The following SLIT3 variants were observed in gnomAD, a reference collection of about 807,000 sequenced individuals.
The protein encoded by SLIT3 is slit guidance ligand 3.
In SLIT3, 68 loss-of-function variants were observed where a neutral mutation model predicts 184.0. That is an observed-to-expected ratio of 0.37 (90% confidence interval 0.30 to 0.45). SLIT3 has a LOEUF of 0.45. Ranked by LOEUF, SLIT3 falls within the 20% of genes least tolerant of loss-of-function variation. The pLI is 1.00. For synonymous variants in SLIT3, 831 were observed against 828.6 expected (o/e 1.00, Z -0.05); for missense variants, 1,707 against 2,026.0 (o/e 0.84, Z 3.02).
intron 6 of SLIT3, among the ~76,000 whole-genome samples, chr5:168,823,627 T>A (rs1332371343): frequency 6.6e-6 from 1 of 152,224 alleles, no homozygotes; most frequent in Non-Finnish European, 1.5e-5. Context: ...AGTGCTTCAT[T>A]ATAACATCTC....
Position 168,726,817 on chromosome 5 carries a change from A to T in SLIT3, c.2271-2333T>A, listed in dbSNP as rs542024151. On this transcript the variant is annotated intron_variant, in intron 20 of 35. Coordinates refer to ENST00000519560, the MANE Select transcript of SLIT3 (RefSeq NM_003062.4). ...GTGAAACCCCCCTCCTAAAAATACA[A>T]ACAAAACAAAACAAAACAAAAATAA... 3.2e-4 allele frequency among the ~76,000 whole-genome samples: 48 copies of T among 151,566 alleles called. No homozygotes were observed. The South Asian group carries it at 9.8e-3, about 31-fold the overall frequency.
At chr5:169,085,750 T>A (rs1335987933) in intron 4 of SLIT3, among the ~76,000 whole-genome samples, 1 of 152,180 alleles carries the variant, frequency 6.6e-6, no homozygotes, top group Admixed American at 6.5e-5. Flanking sequence ...CTGTCATCGC[T>A]CTCATTTCTG....
At chr5:169,061,928 T>C (rs1758185351) in intron 4 of SLIT3, among the ~76,000 whole-genome samples, 1 of 152,154 alleles carries the variant, frequency 6.6e-6, no homozygotes, top group South Asian at 2.1e-4. Context: ...TCTATCCCAC[T>C]GCCTTGGGGA....
intron 4 of SLIT3, among the ~76,000 whole-genome samples, chr5:168,960,592 C>T (rs1353215439): frequency 1.3e-5 from 2 of 152,214 alleles, no homozygotes; most frequent in African/African-American, 4.8e-5. Context: ...TCATGTCATT[C>T]CATGACAGGA....
intron 4 of SLIT3, among the ~76,000 whole-genome samples, chr5:168,907,795 CATGT>C (rs1305173683): frequency 6.6e-6 from 1 of 151,116 alleles, no homozygotes; most frequent in Non-Finnish European, 1.5e-5. Context: ...TATACATACA[CATGT>C]ATGTGTGTAT....
chr5:168,674,815 C>T (rs903592799), intron 32 of SLIT3, among the ~76,000 whole-genome samples: 7 of 152,010 alleles, frequency 4.6e-5, no homozygotes, highest in Admixed American at 1.3e-4. Flanking sequence ...TCAGTGTGCA[C>T]ATCCTACTTG....
intron 6 of SLIT3, among the ~76,000 whole-genome samples, chr5:168,829,132 C>G (rs1757801617): frequency 6.6e-6 from 1 of 152,164 alleles, no homozygotes; most frequent in Non-Finnish European, 1.5e-5. Flanking sequence ...GAGACACGTC[C>G]AGCTGCAGCC....
At chr5:169,190,197 C>G (rs986962717) in intron 4 of SLIT3, among the ~76,000 whole-genome samples, 1 of 152,156 alleles carries the variant, frequency 6.6e-6, no homozygotes, top group Non-Finnish European at 1.5e-5. Flanking sequence ...CATATATGAC[C>G]AAGCTAAGTA....
intron 16 of SLIT3, among the ~76,000 whole-genome samples, chr5:168,758,386 A>ATCTTGTT (rs1755026230): frequency 6.6e-6 from 1 of 152,220 alleles, no homozygotes; most frequent in Non-Finnish European, 1.5e-5. Flanking sequence ...CAGAAGACAA[A>ATCTTGTT]TATGCGCTTG....
chr5:168,757,676 C>T (rs2879003), intron 16 of SLIT3, among the ~76,000 whole-genome samples: 17,793 of 152,188 alleles, frequency 0.12, 1,302 homozygotes, highest in South Asian at 0.2. Context: ...ACCTTGTGAT[C>T]CGCCTGGCTC....
intron 1 of SLIT3, among the ~76,000 whole-genome samples, chr5:169,277,848 C>T (rs190966457): frequency 1.3e-5 from 2 of 152,206 alleles, no homozygotes; most frequent in Non-Finnish European, 2.9e-5. Flanking sequence ...TTTTCCACAG[C>T]AGCTGCACCA....
intron 4 of SLIT3, among the ~76,000 whole-genome samples, chr5:169,067,929 T>C (rs1212683024): frequency 6.6e-6 from 1 of 152,242 alleles, no homozygotes; most frequent in Non-Finnish European, 1.5e-5. Context: ...GAAAATTATT[T>C]AGTTATGATA....
intron 4 of SLIT3, among the ~76,000 whole-genome samples, chr5:169,102,905 T>A (rs1049562836): frequency 6.6e-6 from 1 of 152,214 alleles, no homozygotes; most frequent in Admixed American, 6.5e-5. Context: ...AAATCACAAG[T>A]CACCTCTCTT....
intron 4 of SLIT3, among the ~76,000 whole-genome samples, chr5:168,921,305 G>A (rs534802567): frequency 6.6e-6 from 1 of 152,224 alleles, no homozygotes; most frequent in South Asian, 2.1e-4. Flanking sequence ...ACTCCAAGGC[G>A]CATACCCAGG....
chr5:169,151,075 C>G (rs1007047049), intron 4 of SLIT3, among the ~76,000 whole-genome samples: 7 of 151,952 alleles, frequency 4.6e-5, no homozygotes, highest in African/African-American at 1.7e-4. Flanking sequence ...GACTTGGGAC[C>G]CAGGTGGCAG....
At chr5:169,161,733 A>G (rs547956220) in intron 4 of SLIT3, among the ~76,000 whole-genome samples, 11 of 147,306 alleles carry the variant, frequency 7.5e-5, no homozygotes, top group Non-Finnish European at 1.3e-4. Flanking sequence ...GCCCATTCTT[A>G]GTGTAACCTG....
intron 4 of SLIT3, among the ~76,000 whole-genome samples, chr5:169,113,658 CTTTT>C (rs869209479): frequency 7.6e-6 from 1 of 131,412 alleles, no homozygotes; most frequent in Non-Finnish European, 1.6e-5. Flanking sequence ...TTTTCTTTTT[CTTTT>C]TTTTTTTTTT....
At chr5:169,021,565 G>A (rs1756598123) in intron 4 of SLIT3, among the ~76,000 whole-genome samples, 1 of 152,084 alleles carries the variant, frequency 6.6e-6, no homozygotes. Flanking sequence ...TGGCCAGGCT[G>A]GTCTCGAACT....
At position 168,669,838 on chromosome 5, in the gene SLIT3, TTGGTCTGAGATGTGGCACTGCCCA is replaced by T; in HGVS notation, c.4257_4280del (p.His1419_Asp1426del). Reference sequence around the variant, plus strand: ...GCTGGCACAGGCAGTAGGGCTCCCCTTGGTCTGAGATGTGGCACTGCCCATGGTGACACTTGAAGGCTGAGCAGG... The same window carrying T: ...GCTGGCACAGGCAGTAGGGCTCCCCTTGGTGACACTTGAAGGCTGAGCAGG... On this transcript the variant is annotated inframe_deletion, in exon 35 of 36. Coordinates refer to ENST00000519560, the MANE Select transcript of SLIT3 (RefSeq NM_003062.4). 1 of 1,614,186 alleles carries T rather than the reference TTGGTCTGAGATGTGGCACTGCCCA, an allele frequency of 6.2e-7. No individual in the cohort carries two copies. Among genetic ancestry groups the T allele is most frequent in the Non-Finnish European group, 8.5e-7 (1 of 1,180,038 alleles).
Sources: gnomAD v4.1 joint callset for allele counts (sites outside exome capture counted in the v4.1 genomes callset) on GRCh38, gnomAD v4.1.1 for gene constraint, MANE v1.5 for transcripts, NCBI Gene and HGNC (gene_info 2026-07-23, HGNC 2026-07-21) for gene names.